UBA6: variants seen among roughly 807,000 people sequenced by gnomAD.
The protein encoded by UBA6 is ubiquitin like modifier activating enzyme 6.
In UBA6, 87 loss-of-function variants were observed where a neutral mutation model predicts 148.3. The ratio of observed to expected loss-of-function variants is 0.59; its 90% CI spans 0.49 to 0.70. The LOEUF (loss-of-function observed/expected upper bound fraction) is 0.70, where lower values mean the gene tolerates loss of function less well. Ranked by LOEUF, UBA6 falls within the 30% of genes least tolerant of loss-of-function variation. UBA6 has a pLI of 0.00. For synonymous variants in UBA6, 376 were observed against 401.0 expected (o/e 0.94, Z 0.75); for missense variants, 1,186 against 1,241.2 (o/e 0.96, Z 0.67).
At chr4:67,690,288 T>C (rs894350913) in intron 2 of UBA6, among the ~76,000 whole-genome samples, 2 of 152,022 alleles carry the variant, frequency 1.3e-5, no homozygotes, top group Non-Finnish European at 2.9e-5. Context: ...CCTTATACCA[T>C]ACAAAATAAT....
chr4:67,673,713 T>C lies in UBA6; in HGVS notation c.530A>G (p.Gln177Arg). The C allele has an allele frequency of 6.2e-7, 1 of 1,610,948 alleles. No homozygotes were observed. The highest frequency in any genetic ancestry group is 8.5e-7 in the Non-Finnish European group (1 of 1,177,734). Residue 177 changes from glutamine to arginine, a missense_variant, in exon 7 of 33, where the codon CAG becomes CGG. Coordinates refer to ENST00000322244, the MANE Select transcript of UBA6 (RefSeq NM_018227.6). The stretch of plus-strand genomic sequence containing the variant: ...TACAATTACCTTAATTGGAGGGCAC[T>C]GAGAACGGCAAAAGTCATTGATCTT... The part of the protein sequence containing the change: ...QKKINDFCRS[Q>R]CPPIKFISAD...
At chr4:67,678,107 G>A (rs540024128) in intron 5 of UBA6, among the ~76,000 whole-genome samples, 1 of 145,890 alleles carries the variant, frequency 6.9e-6, no homozygotes, top group Admixed American at 6.9e-5. Context: ...TATATTATAT[G>A]TAATATATAT....
chr4:67,662,051 A>G (rs1729871128), intron 13 of UBA6, 138 bp downstream of exon 13: 7 of 674,576 alleles, frequency 1.0e-5, no homozygotes, highest in South Asian at 1.0e-4. Flanking sequence ...TTATAAATTA[A>G]AACAGAACAA....
At chr4:67,630,861 ATAT>A (rs1256488916) in intron 25 of UBA6, among the ~76,000 whole-genome samples, 1 of 152,230 alleles carries the variant, frequency 6.6e-6, no homozygotes, top group African/African-American at 2.4e-5. Flanking sequence ...GTCATAAGAA[ATAT>A]TATACATTTG....
At chr4:67,644,245 T>C (rs1163148000) in intron 17 of UBA6, among the ~76,000 whole-genome samples, 1 of 152,130 alleles carries the variant, frequency 6.6e-6, no homozygotes, top group Non-Finnish European at 1.5e-5. Flanking sequence ...AATTGTACAC[T>C]GAGCTTTATA....
At chr4:67,678,832 C>T (rs376312623) in intron 4 of UBA6, among the ~76,000 whole-genome samples, 1 of 152,104 alleles carries the variant, frequency 6.6e-6, no homozygotes, top group Non-Finnish European at 1.5e-5. Flanking sequence ...TCAACCTCAA[C>T]GGAAAGGAAT....
chr4:67,680,674 A>G (rs1438004352), intron 4 of UBA6, among the ~76,000 whole-genome samples: 1 of 152,200 alleles, frequency 6.6e-6, no homozygotes, highest in African/African-American at 2.4e-5. Flanking sequence ...TTCCTGCTTC[A>G]TAGTATTTAG....
chr4:67,629,256 G>T, intron 26 of UBA6, 114 bp from the exon 27 acceptor site: 1 of 679,182 alleles, frequency 1.5e-6, no homozygotes, highest in South Asian at 1.7e-5. Context: ...TTCATTATCT[G>T]AATATGTAGA....
chr4:67,673,418 G>GAAA (rs566565882), intron 7 of UBA6, among the ~76,000 whole-genome samples: 2 of 102,144 alleles, frequency 2.0e-5, no homozygotes, highest in East Asian at 2.8e-4. Context: ...TCTGTCTCGG[G>GAAA]AAAAAAAAAA....
At chr4:67,644,426 C>T (rs143925661) in intron 17 of UBA6, among the ~76,000 whole-genome samples, 149 of 152,056 alleles carry the variant, frequency 9.8e-4, no homozygotes, top group African/African-American at 3.5e-3. Flanking sequence ...ATCACAATAA[C>T]GTTATGAGAT....
rs11935954 is a variant in UBA6, at chr4:67,642,233, C to T, written c.1477-1005G>A. Among the ~76,000 whole-genome samples, 1,388 of 152,068 alleles carry T rather than the reference C, an allele frequency of 9.1e-3. 31 individuals are homozygous for T. The highest frequency in any genetic ancestry group is 0.032 in the African/African-American group (1,325 of 41,508). On this transcript the variant is annotated intron_variant, in intron 17 of 32. Transcript: ENST00000322244. ...ACCAAGTTTTCTTGATTCCTACTGC[C>T]CCCAACTCCCCAAACTGGTTTAGAA...
chr4:67,617,288 C>G lies in UBA6; in HGVS notation c.*1709G>C, dbSNP rs765593285. 2 of 152,068 alleles carry G rather than the reference C, an allele frequency of 1.3e-5. No individual in the cohort carries two copies. Among genetic ancestry groups the G allele is most frequent in the African/African-American group, 2.4e-5 (1 of 41,448 alleles). The allele number at this position is 152,068 out of a possible 1,614,324, so 9.4% of individuals were successfully genotyped here. A position where few individuals can be genotyped will look rare whatever the true frequency, so the allele number is the denominator to read the frequency against. ...TGAACGTGGAAAAAAGCCTTCTTTG[C>G]AAAAGTCCTTTTATTAGTCCTATCC... On this transcript the variant is annotated 3_prime_UTR_variant, in exon 33 of 33. Coordinates refer to ENST00000322244, the MANE Select transcript of UBA6 (RefSeq NM_018227.6).
At chr4:67,653,339 A>G (rs919360508) in intron 13 of UBA6, among the ~76,000 whole-genome samples, 4 of 152,162 alleles carry the variant, frequency 2.6e-5, no homozygotes, top group Admixed American at 2.0e-4. Flanking sequence ...AGGAAGGATC[A>G]GGCAGCAATA....
chr4:67,698,466 A>G (rs1730892620), intron 1 of UBA6, among the ~76,000 whole-genome samples: 1 of 152,218 alleles, frequency 6.6e-6, no homozygotes, highest in Non-Finnish European at 1.5e-5. Flanking sequence ...AACCTTGTCC[A>G]AACAGTGGGC....
intron 10 of UBA6, 65 bp from the exon 11 acceptor site, chr4:67,664,012 T>TA: frequency 7.8e-7 from 1 of 1,281,546 alleles, no homozygotes; most frequent in Non-Finnish European, 1.1e-6. Context: ...AATATACTGT[T>TA]ACATGTCAGT....
Position 67,663,334 on chromosome 4 carries a change from G to A in UBA6, c.961-119C>T, listed in dbSNP as rs1729911116. ...ATAATAAACACATTAGCTTAATACTGTTATTAACTCTATTTAACAAATAAG... is the reference window on the plus strand; with the variant it reads ...ATAATAAACACATTAGCTTAATACTATTATTAACTCTATTTAACAAATAAG... On this transcript the variant is annotated intron_variant, in intron 11 of 32. Coordinates refer to ENST00000322244, the MANE Select transcript of UBA6 (RefSeq NM_018227.6). The A allele has an allele frequency of 1.1e-5, 7 of 614,398 alleles. No homozygotes were observed. In the East Asian group the frequency reaches 2.0e-4, roughly 17 times the overall value. The allele number at this position is 614,398 out of a possible 1,614,324, so 38.1% of individuals were successfully genotyped here.
At chr4:67,670,905 A>C (rs1036099977) in intron 7 of UBA6, among the ~76,000 whole-genome samples, 1 of 152,202 alleles carries the variant, frequency 6.6e-6, no homozygotes, top group African/African-American at 2.4e-5. Context: ...AGCACAACAT[A>C]AAAGAAATAG....
chr4:67,686,952 TAAAAAAAAAAAAAAAAAAAAAAAAA>T (rs546442640), intron 2 of UBA6, among the ~76,000 whole-genome samples: 6 of 57,188 alleles, frequency 1.0e-4, no homozygotes, highest in African/African-American at 3.1e-4. Flanking sequence ...ATCCTGTCTC[TAAAAAAAAAAAAAAAAAAAAAAAAA>T]AAAAAAAAAA....
chr4:67,678,315 T>C (rs901637705), intron 5 of UBA6, 124 bp downstream of exon 5: 8 of 460,910 alleles, frequency 1.7e-5, no homozygotes, highest in Non-Finnish European at 2.6e-5. Context: ...AAAATATCTT[T>C]ACCTGTATAA....
Sources: gnomAD v4.1 joint callset for allele counts (sites outside exome capture counted in the v4.1 genomes callset) on GRCh38, gnomAD v4.1.1 for gene constraint, MANE v1.5 for transcripts, NCBI Gene and HGNC (gene_info 2026-07-23, HGNC 2026-07-21) for gene names.